DNAJB14: variants seen among roughly 807,000 people sequenced by gnomAD.
The protein encoded by DNAJB14 is dnaJ homolog subfamily B member 14.
A neutral mutation model predicts 48.4 loss-of-function variants in DNAJB14; 22 were observed. That is an observed-to-expected ratio of 0.45 (90% CI 0.32 to 0.65). DNAJB14 has a LOEUF of 0.65. Among genes scored for constraint, DNAJB14 ranks in the 30% least tolerant of loss-of-function variants. The pLI is 0.03. For missense variants in DNAJB14, 319 were observed against 458.8 expected, an observed-to-expected ratio of 0.70 and a Z score of 2.78; for synonymous variants, 142 against 158.7, an observed-to-expected ratio of 0.89 and a Z score of 0.79.
rs574074191 is a variant in DNAJB14 at position 99,902,423 on chromosome 4, G to A, written c.1016-1271C>T. Among the ~76,000 whole-genome samples, 17 of 152,148 alleles carry A rather than the reference G, an allele frequency of 1.1e-4. No homozygotes were observed. The East Asian group carries it at 3.1e-3, about 28-fold the overall frequency. On this transcript the variant is annotated intron_variant, in intron 7 of 7. Coordinates refer to ENST00000442697, the MANE Select transcript of DNAJB14 (RefSeq NM_001031723.4). Reference sequence around the variant, plus strand: ...GGGGAAGGGTGGCAACTCACTCCCAGCTGAAAACATAAAAATCACTAGTCT... The same window carrying A: ...GGGGAAGGGTGGCAACTCACTCCCAACTGAAAACATAAAAATCACTAGTCT...
Position 99,905,676 on chromosome 4 carries a change from G to A in DNAJB14, c.763C>T (p.Pro255Ser). 6.2e-7 allele frequency: 1 copy of A among 1,612,586 alleles called. No individual in the cohort carries two copies. The highest frequency in any genetic ancestry group is 8.5e-7 in the Non-Finnish European group (1 of 1,179,414). The change falls in exon 6 of 8, where the codon CCC (proline) becomes TCC (serine). Residue 255 changes from proline (P) to serine (S), a missense_variant. This residue lies in a region of DNAJB14 where 166 missense variants were observed against 236.3 expected (regional missense o/e 0.70). Coordinates refer to ENST00000442697, the MANE Select transcript of DNAJB14 (RefSeq NM_001031723.4). Reference protein sequence around the residue: ...GGFSVFIQLMPIIVLILVSLL... With the variant: ...GGFSVFIQLMSIIVLILVSLL... ...GACACGAGGATCAATACAATTATGG[G>A]CATCAGCTGGATAAACACAGAAAAA...
chr4:99,936,616 G>GA (rs1326096535), intron 1 of DNAJB14, among the ~76,000 whole-genome samples: 3 of 152,154 alleles, frequency 2.0e-5, no homozygotes, highest in Non-Finnish European at 4.4e-5. Flanking sequence ...GGACTTCTTG[G>GA]AGAACTAGCT....
chr4:99,932,065 A>C (rs1726490772), intron 1 of DNAJB14, among the ~76,000 whole-genome samples: 1 of 152,088 alleles, frequency 6.6e-6, no homozygotes, highest in African/African-American at 2.4e-5. Flanking sequence ...AAAGCTTTAA[A>C]ACTCTTAGAA....
Position 99,897,086 on chromosome 4 carries a change from A to G in DNAJB14, c.*3942T>C, listed in dbSNP as rs1337624752. The stretch of plus-strand genomic sequence containing the variant: ...AATGAAATTGTGTTGACTGATTTTC[A>G]AAGTCAGACATAAAAATATCCACTG... On this transcript the variant is annotated 3_prime_UTR_variant, in exon 8 of 8. Transcript: ENST00000442697. The G allele has an allele frequency of 6.6e-6, 1 of 151,990 alleles. No homozygotes were observed. Among genetic ancestry groups the G allele is most frequent in the African/African-American group, 2.4e-5 (1 of 41,420 alleles). 9.4% of individuals were successfully genotyped at this position (151,990 alleles called of 1,614,324 possible). A position where few individuals can be genotyped will look rare whatever the true frequency, so the allele number is the denominator to read the frequency against.
Position 99,946,541 on chromosome 4 carries a change from A to T in DNAJB14, c.31T>A (p.Cys11Ser). Residue 11 changes from cysteine to serine, a missense_variant, in exon 1 of 8, where the codon TGT (cysteine) becomes AGT (serine). By Grantham distance (112) the Cys-to-Ser change is moderately radical. Around this residue, in one of 3 missense-constraint regions of DNAJB14, gnomAD observed 116 missense variants for 134.6 expected, o/e 0.86. Transcript: ENST00000442697. MEGNRDEAEKCVEIAREALNA... is the reference protein window; with the variant it reads MEGNRDEAEKSVEIAREALNA... ...AGGGCCTCCCGGGCGATCTCGACAC[A>T]TTTCTCAGCCTCATCCCTGTTCCCC... The T allele has an allele frequency of 6.2e-7, 1 of 1,613,702 alleles. No individual in the cohort carries two copies. The highest frequency in any genetic ancestry group is 8.5e-7 in the Non-Finnish European group (1 of 1,179,762).
chr4:99,903,912 G>A lies in DNAJB14; in HGVS notation c.843-14C>T. On this transcript the variant is annotated splice_polypyrimidine_tract_variant and intron_variant, in intron 6 of 7. Coordinates refer to ENST00000442697, the MANE Select transcript of DNAJB14 (RefSeq NM_001031723.4). ...TGCCCAGTTCCACTGTAAAAGAGAT[G>A]CATCATTATTTTAATTAAAATTGGA... 1.2e-6 allele frequency: 2 copies of A among 1,602,378 alleles called. No individual in the cohort carries two copies. The highest frequency in any genetic ancestry group is 1.7e-6 in the Non-Finnish European group (2 of 1,176,074).
intron 1 of DNAJB14, among the ~76,000 whole-genome samples, chr4:99,939,701 C>G (rs76563110): frequency 0.027 from 4,167 of 152,278 alleles, 86 homozygotes; most frequent in African/African-American, 0.055. Flanking sequence ...TGTGGACAAG[C>G]TGTATTACTT....
At chr4:99,921,306 C>A (rs1327001102) in intron 3 of DNAJB14, among the ~76,000 whole-genome samples, 1 of 152,156 alleles carries the variant, frequency 6.6e-6, no homozygotes, top group Non-Finnish European at 1.5e-5. Flanking sequence ...TATTAAGTTT[C>A]TAGTTTTGCA....
intron 1 of DNAJB14, among the ~76,000 whole-genome samples, chr4:99,931,363 G>A (rs1190910832): frequency 6.6e-6 from 1 of 152,024 alleles, no homozygotes. Context: ...AAATAAGGTT[G>A]GCCATATATA....
intron 3 of DNAJB14, among the ~76,000 whole-genome samples, chr4:99,913,804 G>A (rs1725755154): frequency 6.6e-6 from 1 of 151,946 alleles, no homozygotes; most frequent in African/African-American, 2.4e-5. Flanking sequence ...TCTGAGCCTG[G>A]ATATTTCTTT....
chr4:99,935,938 T>G (rs905752675), intron 1 of DNAJB14, among the ~76,000 whole-genome samples: 2 of 152,058 alleles, frequency 1.3e-5, no homozygotes, highest in Admixed American at 6.6e-5. Flanking sequence ...TGTGGTGGCA[T>G]GCACCTGTAG....
chr4:99,908,775 A>G lies in DNAJB14; in HGVS notation c.573T>C (p.Gly191=). 6.2e-7 allele frequency: 1 copy of G among 1,611,850 alleles called. No homozygotes were observed. Among genetic ancestry groups the G allele is most frequent in the South Asian group, 1.1e-5 (1 of 90,788 alleles). ...CTTCTGGAGTTATATCAGCTTCACA[A>G]CCTCTATGGAAATTAAATCTGCCAT... ...QNNGRFNFHR[G]CEADITPEDL... is the part of the protein sequence containing the mutation. The change falls in exon 4 of 8, where the codon GGT becomes GGC. Residue 191 remains glycine, a synonymous_variant. Transcript: ENST00000442697.
chr4:99,914,444 T>C (rs2097184836), intron 3 of DNAJB14, among the ~76,000 whole-genome samples: 1 of 151,796 alleles, frequency 6.6e-6, no homozygotes, highest in Admixed American at 6.6e-5. Flanking sequence ...AATTGAACAA[T>C]GAGAACCCTT....
At chr4:99,916,190 G>C (rs889490929) in intron 3 of DNAJB14, among the ~76,000 whole-genome samples, 2 of 152,174 alleles carry the variant, frequency 1.3e-5, no homozygotes, top group African/African-American at 4.8e-5. Flanking sequence ...CCCAGCTGGA[G>C]TGCAGTGGCA....
chr4:99,944,260 G>A (rs530478493), intron 1 of DNAJB14, among the ~76,000 whole-genome samples: 165 of 152,322 alleles, frequency 1.1e-3, no homozygotes, highest in Middle Eastern at 3.4e-3. Context: ...GTGTTGGCAA[G>A]GATGGTGAGA....
At chr4:99,933,815 A>G (rs923206839) in intron 1 of DNAJB14, among the ~76,000 whole-genome samples, 31 of 152,364 alleles carry the variant, frequency 2.0e-4, no homozygotes, top group South Asian at 6.2e-4. Context: ...AAGGTGGGGA[A>G]AAACCACCAA....
intron 2 of DNAJB14, chr4:99,924,011 A>G: frequency 2.7e-6 from 1 of 372,086 alleles, no homozygotes; most frequent in Non-Finnish European, 3.7e-6. Flanking sequence ...AAGAGATTTA[A>G]GCCTGAAATC....
chr4:99,945,830 T>C (rs1007225766), intron 1 of DNAJB14, among the ~76,000 whole-genome samples: 10 of 152,228 alleles, frequency 6.6e-5, no homozygotes, highest in African/African-American at 2.4e-4. Context: ...TCGATAATCA[T>C]GGTGTTATCA....
At chr4:99,907,449 A>G (rs2110195159) in intron 4 of DNAJB14, among the ~76,000 whole-genome samples, 1 of 152,178 alleles carries the variant, frequency 6.6e-6, no homozygotes, top group African/African-American at 2.4e-5. Flanking sequence ...CTAAGGTGGG[A>G]GGATTGCTTG....
Sources: allele counts gnomAD v4.1 joint callset (sites outside exome capture counted in the v4.1 genomes callset), GRCh38; gene constraint gnomAD v4.1.1; regional missense constraint gnomAD v4.1.1; transcripts MANE v1.5; gene names NCBI Gene and HGNC (gene_info 2026-07-23, HGNC 2026-07-21).